TRAK1: variants seen among roughly 807,000 people sequenced by gnomAD.
The protein encoded by TRAK1 is trafficking kinesin-binding protein 1.
Under a neutral mutation model 92.1 loss-of-function variants are expected in TRAK1, and 33 were observed. The observed-to-expected ratio is 0.36, with a 90% CI of 0.27 to 0.48. The LOEUF is 0.48. Ranked by LOEUF, TRAK1 falls within the 20% of genes least tolerant of loss-of-function variation. The pLI, the probability that TRAK1 is intolerant of heterozygous loss-of-function variation, is 0.99. For synonymous variants in TRAK1, 521 were observed against 517.3 expected (o/e 1.01, Z -0.10); for missense variants, 1,123 against 1,257.9 (o/e 0.89, Z 1.62).
At chr3:42,058,543 C>T (rs1703292478) in intron 1 of TRAK1, among the ~76,000 whole-genome samples, 1 of 152,132 alleles carries the variant, frequency 6.6e-6, no homozygotes, top group African/African-American at 2.4e-5. Flanking sequence ...GAGGTTTCAC[C>T]ATGTTGGCTG....
At chr3:42,121,619 T>A (rs1424467318) in intron 1 of TRAK1, among the ~76,000 whole-genome samples, 12 of 152,122 alleles carry the variant, frequency 7.9e-5, no homozygotes, top group Admixed American at 7.9e-4. Flanking sequence ...CTTGGATGTG[T>A]CCTCCCCTTG....
intron 1 of TRAK1, among the ~76,000 whole-genome samples, chr3:42,098,843 G>T (rs552970236): frequency 7.2e-5 from 11 of 152,100 alleles, no homozygotes; most frequent in Non-Finnish European, 1.6e-4. Context: ...TCCAGAATTG[G>T]GTTTTGCTGT....
intron 1 of TRAK1, among the ~76,000 whole-genome samples, chr3:42,104,994 C>T (rs911443241): frequency 2.7e-5 from 4 of 150,198 alleles, no homozygotes; most frequent in Admixed American, 2.0e-4. Context: ...TTTTGTTGCC[C>T]AGGCTGGAGT....
chr3:42,210,255 T>C, intron 14 of TRAK1: 1 of 1,523,918 alleles, frequency 6.6e-7, no homozygotes, highest in Non-Finnish European at 8.8e-7. Flanking sequence ...TCTGTGTGGG[T>C]GATGATTAAA....
chr3:42,035,672 CT>C (rs1395136898), intron 1 of TRAK1, among the ~76,000 whole-genome samples: 2 of 152,236 alleles, frequency 1.3e-5, no homozygotes, highest in Admixed American at 1.3e-4. Context: ...TTTCTCTACT[CT>C]GGTGTTAAGT....
At chr3:42,092,767 T>TGTTATGTTATGTTAC (rs1705298598) in intron 1 of TRAK1, among the ~76,000 whole-genome samples, 1 of 151,880 alleles carries the variant, frequency 6.6e-6, no homozygotes, top group African/African-American at 2.4e-5. Context: ...TGTTATGTTA[T>TGTTATGTTATGTTAC]GTTATTTCGT....
intron 2 of TRAK1, chr3:42,160,154 T>C: frequency 4.8e-6 from 5 of 1,042,626 alleles, no homozygotes; most frequent in South Asian, 3.1e-5. Context: ...AGCCACCCCC[T>C]TCCGGGTCCT....
intron 3 of TRAK1, among the ~76,000 whole-genome samples, chr3:42,182,757 C>T (rs961330936): frequency 6.6e-6 from 1 of 152,204 alleles, no homozygotes; most frequent in Non-Finnish European, 1.5e-5. Context: ...GTGCTGCGCT[C>T]ATACTGCAGT....
intron 6 of TRAK1, among the ~76,000 whole-genome samples, chr3:42,190,788 T>A (rs1035873411): frequency 6.6e-6 from 1 of 150,656 alleles, no homozygotes; most frequent in African/African-American, 2.4e-5. Context: ...TCCCTCCCTC[T>A]CTCCCTTCCT....
intron 1 of TRAK1, among the ~76,000 whole-genome samples, chr3:42,046,478 G>A (rs918911563): frequency 3.3e-5 from 5 of 152,088 alleles, no homozygotes; most frequent in Non-Finnish European, 7.4e-5. Flanking sequence ...TGAGGGTTTC[G>A]ATGGCCCTTT....
At chr3:42,022,336 G>A (rs1387225434) in intron 1 of TRAK1, among the ~76,000 whole-genome samples, 1 of 152,200 alleles carries the variant, frequency 6.6e-6, no homozygotes. Context: ...TAAAAGGTGT[G>A]ACAGGCAAAT....
intron 1 of TRAK1, among the ~76,000 whole-genome samples, chr3:42,110,529 T>C (rs1367810309): frequency 2.0e-5 from 3 of 152,254 alleles, no homozygotes; most frequent in Middle Eastern, 3.4e-3. Context: ...TTTTTCCCAT[T>C]GAGGGTTGTA....
chr3:42,177,576 G>A (rs989602745), intron 3 of TRAK1, among the ~76,000 whole-genome samples: 4 of 152,194 alleles, frequency 2.6e-5, no homozygotes, highest in Non-Finnish European at 4.4e-5. Context: ...GACAGGTGCT[G>A]CCTTCTAGAC....
intron 13 of TRAK1, among the ~76,000 whole-genome samples, chr3:42,206,319 G>A (rs376878165): frequency 1.3e-5 from 2 of 152,166 alleles, no homozygotes; most frequent in South Asian, 4.1e-4. Context: ...GAGCCCCATA[G>A]CATGACATAA....
chr3:42,213,658 C>G (rs769047238), intron 14 of TRAK1, among the ~76,000 whole-genome samples: 5 of 152,178 alleles, frequency 3.3e-5, no homozygotes, highest in Admixed American at 3.3e-4. Context: ...GTATCCTGTC[C>G]CCTCTTCAGT....
intron 1 of TRAK1, among the ~76,000 whole-genome samples, chr3:42,104,312 T>TA (rs1707224145): frequency 6.6e-6 from 1 of 152,118 alleles, no homozygotes; most frequent in Non-Finnish European, 1.5e-5. Flanking sequence ...TCTGCAGACT[T>TA]AAATGTCCCT....
At chr3:42,197,584 G>C (rs777568526) in intron 10 of TRAK1, among the ~76,000 whole-genome samples, 1 of 152,146 alleles carries the variant, frequency 6.6e-6, no homozygotes, top group Non-Finnish European at 1.5e-5. Context: ...TTCTCTATTT[G>C]TAAATTATGT....
intron 1 of TRAK1, among the ~76,000 whole-genome samples, chr3:42,061,749 A>G (rs866140402): frequency 6.6e-6 from 1 of 152,220 alleles, no homozygotes; most frequent in Non-Finnish European, 1.5e-5. Flanking sequence ...CAGAACACCA[A>G]CAATATATAC....
rs1710561780 is a variant in TRAK1, at chr3:42,223,568, G to A, written c.2693G>A (p.Cys898Tyr). The change falls in exon 16 of 16, where the codon TGC becomes TAC. Residue 898 changes from cysteine to tyrosine, a missense_variant. Physicochemically the swap from Cys to Tyr is radical, Grantham distance 194. This residue lies in a region of TRAK1 where 401 missense variants were observed against 438.9 expected (regional missense o/e 0.91). Transcript: ENST00000327628. This position sits in a 1 kb window ranked among gnomAD's most constrained non-coding sequence, Gnocchi z 6.1. The stretch of plus-strand genomic sequence containing the variant: ...GTACCTGAGGGCCTGCCCCTCAGAT[G>A]CCCCACTGTCACCAGTGCCATCGGT... ...GLVPEGLPLR[C>Y]PTVTSAIGGL... The A allele has an allele frequency of 1.2e-6, 2 of 1,613,752 alleles. No individual in the cohort carries two copies. Among genetic ancestry groups the A allele is most frequent in the Non-Finnish European group, 1.7e-6 (2 of 1,180,000 alleles).
Sources: allele counts gnomAD v4.1 joint callset (sites outside exome capture counted in the v4.1 genomes callset), GRCh38; gene constraint gnomAD v4.1.1; regional missense constraint gnomAD v4.1.1; non-coding constraint Gnocchi (gnomAD v3.1); transcripts MANE v1.5; gene names NCBI Gene and HGNC (gene_info 2026-07-23, HGNC 2026-07-21).